GRID2: variants seen among roughly 807,000 people sequenced by gnomAD.
The protein encoded by GRID2 is glutamate receptor ionotropic, delta-2.
In GRID2, 33 loss-of-function variants were observed where a neutral mutation model predicts 114.8. The ratio of observed to expected loss-of-function variants is 0.29; its 90% CI spans 0.22 to 0.38. GRID2 has a LOEUF of 0.38. Ranked by LOEUF, GRID2 falls within the 10% of genes least tolerant of loss-of-function variation. The pLI is 1.00. For missense variants in GRID2, 1,184 were observed against 1,257.7 expected (o/e 0.94, Z 0.89); for synonymous variants, 505 against 449.9 (o/e 1.12, Z -1.55).
chr4:93,348,022 C>G (rs1760414801), intron 8 of GRID2, among the ~76,000 whole-genome samples: 1 of 152,064 alleles, frequency 6.6e-6, no homozygotes. Context: ...TCTTTATATA[C>G]TTGTGAAATG....
At chr4:93,515,122 C>T in intron 12 of GRID2, 94 bp from the exon 13 acceptor site, 1 of 490,496 alleles carries the variant, frequency 2.0e-6, no homozygotes, top group Non-Finnish European at 3.6e-6. Flanking sequence ...TATGTTTCCA[C>T]ACATATTGCC....
intron 2 of GRID2, among the ~76,000 whole-genome samples, chr4:92,995,499 T>C (rs1051408323): frequency 4.6e-5 from 7 of 152,166 alleles, no homozygotes. Context: ...AAAAGAGATA[T>C]GGAATTTTAA....
At chr4:92,773,523 A>G (rs1233102809) in intron 2 of GRID2, among the ~76,000 whole-genome samples, 2 of 152,150 alleles carry the variant, frequency 1.3e-5, no homozygotes, top group South Asian at 2.1e-4. Flanking sequence ...AATTAAATGT[A>G]AAATATACTA....
chr4:92,963,819 A>T (rs1464756375), intron 2 of GRID2, among the ~76,000 whole-genome samples: 1 of 151,992 alleles, frequency 6.6e-6, no homozygotes, highest in Admixed American at 6.6e-5. Flanking sequence ...CTGTAGCCTT[A>T]CAACATGCAT....
chr4:93,043,810 T>C (rs942758389), intron 2 of GRID2, among the ~76,000 whole-genome samples: 1 of 151,974 alleles, frequency 6.6e-6, no homozygotes, highest in Non-Finnish European at 1.5e-5. Context: ...ATATACCTAA[T>C]GTAAATGATG....
At chr4:92,914,270 T>C (rs1748617916) in intron 2 of GRID2, among the ~76,000 whole-genome samples, 1 of 152,156 alleles carries the variant, frequency 6.6e-6, no homozygotes, top group African/African-American at 2.4e-5. Context: ...AATAGTCTAT[T>C]GGGTAAAATG....
intron 2 of GRID2, among the ~76,000 whole-genome samples, chr4:92,936,620 G>A (rs1448665402): frequency 6.9e-6 from 1 of 145,718 alleles, no homozygotes; most frequent in Non-Finnish European, 1.5e-5. Context: ...CATCAAATTT[G>A]TAGGCCTGTT....
At chr4:92,880,839 A>G (rs1277661109) in intron 2 of GRID2, among the ~76,000 whole-genome samples, 1 of 152,060 alleles carries the variant, frequency 6.6e-6, no homozygotes, top group Non-Finnish European at 1.5e-5. Flanking sequence ...CTACTGCCTC[A>G]GCCTCCCAAG....
intron 14 of GRID2, among the ~76,000 whole-genome samples, chr4:93,632,211 T>A: frequency 6.6e-6 from 1 of 152,234 alleles, no homozygotes; most frequent in Non-Finnish European, 1.5e-5. Flanking sequence ...GCAGAAGCTC[T>A]TTAGTTTAAT....
At chr4:92,645,185 T>C (rs1334096693) in intron 2 of GRID2, among the ~76,000 whole-genome samples, 1 of 151,624 alleles carries the variant, frequency 6.6e-6, no homozygotes, top group Admixed American at 6.6e-5. Flanking sequence ...AGGATCCAAA[T>C]AAAATTTTCA....
chr4:93,176,838 T>C (rs560667529), intron 4 of GRID2, among the ~76,000 whole-genome samples: 1 of 152,316 alleles, frequency 6.6e-6, no homozygotes, highest in African/African-American at 2.4e-5. Flanking sequence ...TGGGAATATC[T>C]CATGTGTGTG....
chr4:92,759,111 A>G (rs1039137709), intron 2 of GRID2, among the ~76,000 whole-genome samples: 5 of 152,222 alleles, frequency 3.3e-5, no homozygotes, highest in Non-Finnish European at 5.9e-5. Context: ...TAGAAAAACC[A>G]TGGAATTTTT....
At chr4:92,769,981 C>T (rs567324300) in intron 2 of GRID2, among the ~76,000 whole-genome samples, 1 of 151,340 alleles carries the variant, frequency 6.6e-6, no homozygotes, top group East Asian at 2.0e-4. Context: ...TGAATTTCTC[C>T]TCAGAAAATG....
intron 2 of GRID2, among the ~76,000 whole-genome samples, chr4:92,737,429 C>T (rs1341290732): frequency 6.6e-6 from 1 of 152,018 alleles, no homozygotes; most frequent in East Asian, 1.9e-4. Flanking sequence ...AATACCAAAA[C>T]AAGCTACTAA....
chr4:93,188,453 C>A (rs972851455), intron 4 of GRID2, among the ~76,000 whole-genome samples: 1 of 152,152 alleles, frequency 6.6e-6, no homozygotes, highest in Non-Finnish European at 1.5e-5. Context: ...TCCCAAGGTC[C>A]TGGATTTCTA....
At chr4:93,767,431 A>G (rs1332340245) in intron 14 of GRID2, among the ~76,000 whole-genome samples, 3 of 152,178 alleles carry the variant, frequency 2.0e-5, no homozygotes, top group Non-Finnish European at 4.4e-5. Context: ...TAGTAAATTC[A>G]ATTAATCAAA....
At chr4:92,869,135 T>C (rs1417537521) in intron 2 of GRID2, among the ~76,000 whole-genome samples, 1 of 152,200 alleles carries the variant, frequency 6.6e-6, no homozygotes, top group Non-Finnish European at 1.5e-5. Context: ...TAGGGGTAAA[T>C]TTTTCATCTG....
intron 1 of GRID2, among the ~76,000 whole-genome samples, chr4:92,415,626 G>C (rs1046049162): frequency 1.6e-4 from 24 of 150,634 alleles, no homozygotes; most frequent in Non-Finnish European, 4.4e-5. Context: ...CTCCATCCAG[G>C]GTGCTGCAAA....
intron 4 of GRID2, among the ~76,000 whole-genome samples, chr4:93,158,575 T>C (rs1267996910): frequency 2.0e-5 from 3 of 151,780 alleles, no homozygotes; most frequent in African/African-American, 4.8e-5. Flanking sequence ...TTGCATTTTT[T>C]TTGTAATTCT....
Sources: gnomAD v4.1 joint callset for allele counts (sites outside exome capture counted in the v4.1 genomes callset) on GRCh38, gnomAD v4.1.1 for gene constraint, MANE v1.5 for transcripts, NCBI Gene and HGNC (gene_info 2026-07-23, HGNC 2026-07-21) for gene names.